The following FOXN3 variants were observed in gnomAD, a reference collection of about 807,000 sequenced individuals.
The protein encoded by FOXN3 is forkhead box protein N3.
FOXN3 carries 7 observed loss-of-function variants against 38.4 expected under a neutral mutation model. The observed-to-expected ratio is 0.18, with a 90% CI of 0.10 to 0.34. The LOEUF is 0.34. Ranked by LOEUF, FOXN3 falls within the 10% of genes least tolerant of loss-of-function variation. The probability of loss-of-function intolerance (pLI) is 1.00; values close to 1 mark genes in which losing one functional copy is unlikely to be tolerated. For synonymous variants in FOXN3, 230 were observed against 242.2 expected (o/e 0.95, Z 0.47); for missense variants, 456 against 613.4 (o/e 0.74, Z 2.71).
In FOXN3 at chr14:89,536,060, G is replaced by C. The variant is rs191449788; in HGVS notation, c.-15+82968C>G. 3.9e-5 allele frequency among the ~76,000 whole-genome samples: 6 copies of C among 152,344 alleles called. No homozygotes were observed. The East Asian group carries it at 1.2e-3, about 29-fold the overall frequency. The stretch of plus-strand genomic sequence containing the variant: ...GCACATGTGTTTGAGCTGATCTTGA[G>C]TCTTTCCAATACATCAACACTCTGC... On this transcript the variant is annotated intron_variant, in intron 1 of 6. Coordinates refer to the FOXN3 transcript ENST00000345097.
chr14:89,161,491 C>T lies in FOXN3; in HGVS notation c.*923G>A, dbSNP rs1420308398. ...TATTGTAATTTCCTGGACTTGGTTG[C>T]TTTTCACTTGGGCAGTTAAGAAGAC... On this transcript the variant is annotated 3_prime_UTR_variant, in exon 6 of 6. Coordinates refer to ENST00000557258, the MANE Select transcript of FOXN3 (RefSeq NM_005197.4). 2 of 146,546 alleles carry T rather than the reference C, an allele frequency of 1.4e-5. No homozygotes were observed. Among genetic ancestry groups the T allele is most frequent in the Non-Finnish European group, 3.0e-5 (2 of 67,324 alleles). The allele number at this position is 146,546 out of a possible 1,614,324, so 9.1% of individuals were successfully genotyped here. A position where few individuals can be genotyped will look rare whatever the true frequency, so the allele number is the denominator to read the frequency against.
At chr14:89,344,701 C>A (rs1274027305) in intron 3 of FOXN3, among the ~76,000 whole-genome samples, 1 of 152,058 alleles carries the variant, frequency 6.6e-6, no homozygotes, top group African/African-American at 2.4e-5. Flanking sequence ...TCAAGGTCAC[C>A]CATTGAGGAA....
At chr14:89,549,273 T>TAAA (rs11307365) in intron 1 of FOXN3, among the ~76,000 whole-genome samples, 2 of 133,410 alleles carry the variant, frequency 1.5e-5, no homozygotes, top group African/African-American at 5.5e-5. Flanking sequence ...TCCTTATCTG[T>TAAA]AAAAAAAAAA....
chr14:89,333,982 A>ATC (rs1566959304), intron 3 of FOXN3, among the ~76,000 whole-genome samples: 1 of 10,046 alleles, frequency 1.0e-4, no homozygotes, highest in African/African-American at 2.4e-4. Flanking sequence ...ATATATATAT[A>ATC]TATATATATA....
At chr14:89,457,429 G>A (rs1042171418) in intron 1 of FOXN3, among the ~76,000 whole-genome samples, 5 of 152,268 alleles carry the variant, frequency 3.3e-5, no homozygotes, top group South Asian at 4.1e-4. Flanking sequence ...CATGGAACCC[G>A]GAGCCTAATG....
Position 89,328,958 on chromosome 14 carries a change from T to C in FOXN3, c.680+21714A>G, listed in dbSNP as rs188243538. ...TGGCACAGAAGGAAAAGAGGACAAG[T>C]AGTACTCAGAGGCCACGGATGCAGG... On this transcript the variant is annotated intron_variant, in intron 3 of 5. Transcript: ENST00000557258. 2.3e-3 allele frequency among the ~76,000 whole-genome samples: 345 copies of C among 152,270 alleles called. 2 individuals carry two copies. The highest frequency in any genetic ancestry group is 3.6e-3 in the Non-Finnish European group (243 of 68,006).
At chr14:89,424,340 C>T (rs1447021004) in intron 1 of FOXN3, among the ~76,000 whole-genome samples, 1 of 152,160 alleles carries the variant, frequency 6.6e-6, no homozygotes, top group Non-Finnish European at 1.5e-5. Context: ...AAGCGCTTCA[C>T]AAAATTAAAG....
At chr14:89,394,577 T>A (rs1891055611) in intron 2 of FOXN3, among the ~76,000 whole-genome samples, 1 of 152,052 alleles carries the variant, frequency 6.6e-6, no homozygotes, top group Non-Finnish European at 1.5e-5. Context: ...AGCTTTTTGA[T>A]AAAGAAAATG....
chr14:89,220,042 T>C (rs1884414855), intron 4 of FOXN3, among the ~76,000 whole-genome samples: 1 of 152,172 alleles, frequency 6.6e-6, no homozygotes, highest in African/African-American at 2.4e-5. Flanking sequence ...TGAGCTGAAC[T>C]TTATGTTTGC....
At chr14:89,437,223 G>A (rs1892292222) in intron 1 of FOXN3, among the ~76,000 whole-genome samples, 2 of 150,998 alleles carry the variant, frequency 1.3e-5, no homozygotes, top group South Asian at 2.1e-4. Context: ...ATGTCTAAAT[G>A]TGGTCATGTT....
chr14:89,313,250 A>G (rs1887617207), intron 3 of FOXN3, among the ~76,000 whole-genome samples: 1 of 152,216 alleles, frequency 6.6e-6, no homozygotes, highest in Non-Finnish European at 1.5e-5. Context: ...ATAGTAAAAA[A>G]AGAGTACTGT....
At chr14:89,477,645 G>A (rs765931745) in intron 1 of FOXN3, among the ~76,000 whole-genome samples, 9 of 152,162 alleles carry the variant, frequency 5.9e-5, no homozygotes, top group South Asian at 2.1e-4. Flanking sequence ...AATACACCAC[G>A]GCCAGCCAGG....
chr14:89,405,828 A>G (rs1303210645), intron 2 of FOXN3, among the ~76,000 whole-genome samples: 2 of 152,148 alleles, frequency 1.3e-5, no homozygotes, highest in African/African-American at 4.8e-5. Context: ...AAGCACAGAG[A>G]GATCATCTAC....
At chr14:89,576,062 C>T (rs566214193) in intron 1 of FOXN3, among the ~76,000 whole-genome samples, 1 of 152,328 alleles carries the variant, frequency 6.6e-6, no homozygotes, top group South Asian at 2.1e-4. Flanking sequence ...TTCCTGACAC[C>T]TCTGATGGCT....
At chr14:89,320,375 G>C (rs1284901859) in intron 3 of FOXN3, among the ~76,000 whole-genome samples, 1 of 152,220 alleles carries the variant, frequency 6.6e-6, no homozygotes, top group African/African-American at 2.4e-5. Flanking sequence ...CAAAAGGTTT[G>C]TAACCAGGGT....
At chr14:89,246,223 G>A (rs1885291447) in intron 4 of FOXN3, among the ~76,000 whole-genome samples, 1 of 152,100 alleles carries the variant, frequency 6.6e-6, no homozygotes, top group African/African-American at 2.4e-5. Flanking sequence ...AAATGTCAGT[G>A]GCCTTTCTTA....
chr14:89,205,500 G>A (rs1888357316), intron 4 of FOXN3, among the ~76,000 whole-genome samples: 1 of 152,234 alleles, frequency 6.6e-6, no homozygotes, highest in Admixed American at 6.5e-5. Context: ...GACCCTAGTA[G>A]GCACTGACGT....
In FOXN3 at chr14:89,160,258, G is replaced by A. The variant is rs1199635156; in HGVS notation, c.*2156C>T. ...ATTAAAGAAAATTTCTTAGGCAAAG[G>A]TAACAACAGGAGTTTCTGGGCTGCA... On this transcript the variant is annotated 3_prime_UTR_variant, in exon 6 of 6. Coordinates refer to ENST00000557258, the MANE Select transcript of FOXN3 (RefSeq NM_005197.4). 1.5e-5 allele frequency: 2 copies of A among 134,440 alleles called. No homozygotes were observed. The highest frequency in any genetic ancestry group is 3.1e-5 in the Non-Finnish European group (2 of 65,534). 8.3% of individuals were successfully genotyped at this position (134,440 alleles called of 1,614,324 possible).
intron 4 of FOXN3, among the ~76,000 whole-genome samples, chr14:89,244,330 C>G (rs1031906028): frequency 6.6e-6 from 1 of 152,206 alleles, no homozygotes; most frequent in Non-Finnish European, 1.5e-5. Context: ...ATTTCCCCGT[C>G]TAAGCCATAC....
Sources: allele counts gnomAD v4.1 joint callset (sites outside exome capture counted in the v4.1 genomes callset), GRCh38; gene constraint gnomAD v4.1.1; transcripts MANE v1.5; gene names NCBI Gene and HGNC (gene_info 2026-07-23, HGNC 2026-07-21).